TTC34: variants seen among roughly 807,000 people sequenced by gnomAD.
TTC34 encodes the protein tetratricopeptide repeat domain 34, also known as tetratricopeptide repeat protein 34.
Under a neutral mutation model 40.7 loss-of-function variants are expected in TTC34, and 44 were observed. The ratio of observed to expected loss-of-function variants is 1.08; its 90% CI spans 0.85 to 1.39. The LOEUF is 1.39. Ranked by LOEUF, TTC34 falls within the 40% of genes most tolerant of loss-of-function variation. TTC34 has a pLI of 0.00. For synonymous variants in TTC34, 422 were observed against 398.6 expected, an observed-to-expected ratio of 1.06 and a Z score of -0.70; for missense variants, 884 against 838.0, an observed-to-expected ratio of 1.05 and a Z score of -0.68.
chr1:2,654,526 T>C (rs6689281), intron 6 of TTC34, among the ~76,000 whole-genome samples: 126,031 of 145,332 alleles, frequency 0.87, 53,367 homozygotes, highest in Non-Finnish European at 0.91. Context: ...TGGAACAGCA[T>C]CCACACCCCC....
intron 6 of TTC34, among the ~76,000 whole-genome samples, chr1:2,754,967 A>G (rs1283088797): frequency 7.2e-4 from 29 of 40,270 alleles, no homozygotes; most frequent in South Asian, 1.7e-3. Flanking sequence ...ACCGCCTGGA[A>G]CAGCACCCAC....
rs555165790 is a variant in TTC34 at position 2,699,284 on chromosome 1, C to A, written c.2227-53721G>T. ...GAGCATCTGAAGTCATGGAGCAGCA[C>A]CCACACCCCCAGGCGAGCATCTGAC... is the stretch of plus-strand genomic sequence containing the variant. On this transcript the variant is annotated intron_variant, in intron 6 of 8. Transcript: ENST00000401095. 2.4e-4 allele frequency among the ~76,000 whole-genome samples: 37 copies of A among 151,062 alleles called. 2 individuals carry two copies. Among genetic ancestry groups the A allele is most frequent in the African/African-American group, 8.2e-4 (34 of 41,260 alleles).
chr1:2,759,663 G>A (rs1641627675), intron 6 of TTC34, among the ~76,000 whole-genome samples: 1 of 151,544 alleles, frequency 6.6e-6, no homozygotes, highest in African/African-American at 2.4e-5. Flanking sequence ...TCGACAGCCT[G>A]GAGCAGCACC....
intron 6 of TTC34, among the ~76,000 whole-genome samples, chr1:2,758,188 C>T: frequency 7.1e-6 from 1 of 140,680 alleles, no homozygotes; most frequent in Non-Finnish European, 1.5e-5. Context: ...GGAACAGCAC[C>T]CTGCACCCCC....
chr1:2,790,286 C>T (rs952788159), exon 3 of TTC34: 3 of 398,346 alleles, frequency 7.5e-6, no homozygotes, highest in African/African-American at 4.1e-5. Flanking sequence ...GTCCTGGGCC[C>T]GGCCGTCCAG....
chr1:2,655,522 C>T (rs1309732271), intron 6 of TTC34, among the ~76,000 whole-genome samples: 4 of 145,980 alleles, frequency 2.7e-5, no homozygotes, highest in African/African-American at 7.8e-5. Flanking sequence ...CAGGCTGGAG[C>T]AGCACGCACA....
exon 3 of TTC34, chr1:2,789,574 T>C: frequency 6.7e-7 from 1 of 1,482,400 alleles, no homozygotes. Flanking sequence ...GCCCGGCGCG[T>C]GGAGATCGCT....
At chr1:2,688,137 A>T (rs1230942757) in intron 6 of TTC34, among the ~76,000 whole-genome samples, 5 of 149,276 alleles carry the variant, frequency 3.3e-5, no homozygotes, top group Non-Finnish European at 6.0e-5. Flanking sequence ...CCCCCAGGCG[A>T]GCATCTGACG....
rs1398160528 is a variant in TTC34, at chr1:2,693,838, C to A, written c.2227-48275G>T. On this transcript the variant is annotated intron_variant, in intron 6 of 8. Coordinates refer to ENST00000401095, the Ensembl canonical transcript of TTC34. ...AGCAGCACCCACACCCACAGGTGAG[C>A]ATCTGACAGCCTGGAACAGAACCCA... Among the ~76,000 whole-genome samples, 27 of 135,230 alleles carry A rather than the reference C, an allele frequency of 2.0e-4. 1 individual carries two copies. Among genetic ancestry groups the A allele is most frequent in the African/African-American group, 3.4e-4 (12 of 34,828 alleles). 88.7% of individuals were successfully genotyped at this position (135,230 alleles called of 152,430 possible). A position where few individuals can be genotyped will look rare whatever the true frequency, so the allele number is the denominator to read the frequency against.
chr1:2,777,527 G>C (rs1334249916), intron 6 of TTC34, among the ~76,000 whole-genome samples: 1 of 152,220 alleles, frequency 6.6e-6, no homozygotes, highest in Non-Finnish European at 1.5e-5. Context: ...CCGCCTGGAA[G>C]AAGCACCCCT....
chr1:2,779,986 C>T (rs1643455090), intron 6 of TTC34, among the ~76,000 whole-genome samples: 1 of 152,140 alleles, frequency 6.6e-6, no homozygotes, highest in African/African-American at 2.4e-5. Flanking sequence ...TGGGGTCGCC[C>T]ACCTGTAATC....
intron 6 of TTC34, among the ~76,000 whole-genome samples, chr1:2,768,140 C>G (rs966385055): frequency 6.6e-6 from 1 of 151,606 alleles, no homozygotes; most frequent in East Asian, 1.9e-4. Flanking sequence ...AGGTAAGAAT[C>G]TGAAAGCCTG....
At chr1:2,767,479 C>G (rs1257437947) in intron 6 of TTC34, among the ~76,000 whole-genome samples, 3 of 149,394 alleles carry the variant, frequency 2.0e-5, no homozygotes, top group Non-Finnish European at 3.0e-5. Context: ...ACAGAATTCT[C>G]CAACCACAGG....
intron 6 of TTC34, among the ~76,000 whole-genome samples, chr1:2,752,726 C>A (rs1468266772): frequency 7.9e-6 from 1 of 127,262 alleles, no homozygotes; most frequent in Non-Finnish European, 1.6e-5. Flanking sequence ...TGGAACAGCA[C>A]CCTGCACCCC....
chr1:2,749,602 A>C (rs1347067357), intron 6 of TTC34, among the ~76,000 whole-genome samples: 1 of 107,956 alleles, frequency 9.3e-6, no homozygotes, highest in Non-Finnish European at 1.8e-5. Flanking sequence ...CAGCACCCAC[A>C]CCCCCAGGTG....
chr1:2,676,899 C>T (rs1570791139), intron 6 of TTC34, among the ~76,000 whole-genome samples: 1 of 128,394 alleles, frequency 7.8e-6, no homozygotes. Context: ...CACAGGTGAG[C>T]ATCTGACAGC....
intron 5 of TTC34, among the ~76,000 whole-genome samples, chr1:2,783,980 T>C (rs1201397909): frequency 6.6e-6 from 1 of 151,872 alleles, no homozygotes; most frequent in African/African-American, 2.4e-5. Flanking sequence ...CAGCCAGGAC[T>C]GGGGACAGCT....
chr1:2,675,756 A>AC, intron 6 of TTC34, among the ~76,000 whole-genome samples: 1 of 53,138 alleles, frequency 1.9e-5, no homozygotes, highest in African/African-American at 6.7e-5. Context: ...CTGGGTCGGC[A>AC]ACCACACACG....
chr1:2,767,705 A>G (rs1184114532), intron 6 of TTC34, among the ~76,000 whole-genome samples: 3 of 131,782 alleles, frequency 2.3e-5, no homozygotes, highest in African/African-American at 5.8e-5. Context: ...GGATCTGACT[A>G]CCTGGAACAG....
Sources: gnomAD v4.1 joint callset for allele counts (sites outside exome capture counted in the v4.1 genomes callset) on GRCh38, gnomAD v4.1.1 for gene constraint, MANE v1.5 for transcripts, NCBI Gene and HGNC (gene_info 2026-07-23, HGNC 2026-07-21) for gene names.